The following NREP variants were observed in gnomAD, a reference collection of about 807,000 sequenced individuals.
NREP encodes the protein neuronal regeneration related protein, also known as neuronal regeneration-related protein.
A neutral mutation model predicts 8.6 loss-of-function variants in NREP; 5 were observed. The ratio of observed to expected loss-of-function variants is 0.58; its 90% confidence interval spans 0.30 to 1.22. The LOEUF (loss-of-function observed/expected upper bound fraction) is 1.22. Among genes scored for constraint, NREP ranks in the 50% most tolerant of loss-of-function variants. The probability of loss-of-function intolerance (pLI) is 0.07; values close to 1 mark genes in which losing one functional copy is unlikely to be tolerated. For synonymous variants in NREP, 27 were observed against 28.0 expected, an observed-to-expected ratio of 0.96 and a Z score of 0.11; for missense variants, 86 against 82.5, an observed-to-expected ratio of 1.04 and a Z score of -0.17.
chr5:111,876,500 C>G (rs1004806047), intron 2 of NREP, among the ~76,000 whole-genome samples: 1 of 152,132 alleles, frequency 6.6e-6, no homozygotes, highest in Non-Finnish European at 1.5e-5. Flanking sequence ...AGCCACTGGT[C>G]TCCAATGAAA....
At chr5:111,746,710 A>G (rs1283059814) in intron 2 of NREP, among the ~76,000 whole-genome samples, 4 of 152,170 alleles carry the variant, frequency 2.6e-5, no homozygotes, top group African/African-American at 9.7e-5. Context: ...TGGAAATATC[A>G]AAGTAGCAAA....
At chr5:111,972,905 T>C (rs987820428) in intron 2 of NREP, among the ~76,000 whole-genome samples, 5 of 152,210 alleles carry the variant, frequency 3.3e-5, no homozygotes, top group Non-Finnish European at 7.3e-5. Context: ...ATGCAGATGT[T>C]CCTTATTCCA....
chr5:111,925,957 C>T (rs1755372150), intron 2 of NREP, among the ~76,000 whole-genome samples: 1 of 152,070 alleles, frequency 6.6e-6, no homozygotes, highest in South Asian at 2.1e-4. Flanking sequence ...TGTTATTTGT[C>T]CCTGAATTTT....
At chr5:111,938,507 T>G (rs641552) in intron 2 of NREP, among the ~76,000 whole-genome samples, 148,741 of 152,126 alleles carry the variant, frequency 0.98, 72,963 homozygotes, top group Middle Eastern at 1. Context: ...TTGAGAAAAA[T>G]CAGTATGGTG....
At chr5:111,790,216 T>C (rs1415318673) in intron 2 of NREP, among the ~76,000 whole-genome samples, 2 of 151,490 alleles carry the variant, frequency 1.3e-5, no homozygotes, top group Non-Finnish European at 2.9e-5. Flanking sequence ...CTGACAAAAA[T>C]AAAAGAGAAG....
intron 2 of NREP, among the ~76,000 whole-genome samples, chr5:111,812,159 C>T (rs1581135194): frequency 6.6e-6 from 1 of 152,206 alleles, no homozygotes; most frequent in East Asian, 1.9e-4. Context: ...TGGTGGCTCA[C>T]ACCGGTAGTC....
At chr5:111,806,503 T>C (rs922664123) in intron 2 of NREP, among the ~76,000 whole-genome samples, 2 of 152,198 alleles carry the variant, frequency 1.3e-5, no homozygotes, top group African/African-American at 4.8e-5. Flanking sequence ...TGGAGAAGAA[T>C]ATGGAAGAGA....
intron 2 of NREP, among the ~76,000 whole-genome samples, chr5:111,785,067 C>A (rs1751577862): frequency 6.6e-6 from 1 of 152,114 alleles, no homozygotes; most frequent in Non-Finnish European, 1.5e-5. Flanking sequence ...GTATGAACTG[C>A]AGCCCAGAAT....
intron 2 of NREP, among the ~76,000 whole-genome samples, chr5:111,736,824 A>G (rs769697589): frequency 1.3e-5 from 2 of 152,200 alleles, no homozygotes; most frequent in Non-Finnish European, 2.9e-5. Context: ...TTGAAACTCA[A>G]AAAGGTCGAC....
chr5:111,755,020 TA>T (rs756079420), intron 2 of NREP, among the ~76,000 whole-genome samples: 7 of 152,164 alleles, frequency 4.6e-5, no homozygotes, highest in South Asian at 2.1e-4. Flanking sequence ...ATATTTCTAT[TA>T]TTTTTTTTAG....
chr5:111,758,614 G>C (rs1418723943), upstream of NREP, among the ~76,000 whole-genome samples: 1 of 152,244 alleles, frequency 6.6e-6, no homozygotes, highest in East Asian at 1.9e-4. Flanking sequence ...AAGGATCATA[G>C]TGTCTTCTAA....
intron 2 of NREP, among the ~76,000 whole-genome samples, chr5:111,774,811 G>A (rs960014515): frequency 4.6e-5 from 7 of 152,184 alleles, no homozygotes; most frequent in Non-Finnish European, 8.8e-5. Flanking sequence ...TACCTTGTAA[G>A]GCTCTAAACA....
At chr5:111,849,257 C>T (rs1753253021) in intron 2 of NREP, among the ~76,000 whole-genome samples, 1 of 151,886 alleles carries the variant, frequency 6.6e-6, no homozygotes, top group Admixed American at 6.6e-5. Context: ...GAAAAGCATA[C>T]CAAGAAGAGG....
At chr5:111,824,375 T>A (rs569179032) in intron 2 of NREP, among the ~76,000 whole-genome samples, 2 of 152,116 alleles carry the variant, frequency 1.3e-5, no homozygotes, top group South Asian at 2.1e-4. Flanking sequence ...TCTCAAAAAA[T>A]AAATAAATAA....
At chr5:111,957,733 A>T (rs971729673) in intron 2 of NREP, among the ~76,000 whole-genome samples, 1 of 151,860 alleles carries the variant, frequency 6.6e-6, no homozygotes, top group Non-Finnish European at 1.5e-5. Context: ...ATATATCTGT[A>T]ATTTTATATA....
intron 2 of NREP, among the ~76,000 whole-genome samples, chr5:111,925,248 G>A (rs997096254): frequency 5.0e-5 from 6 of 120,994 alleles, no homozygotes; most frequent in African/African-American, 1.4e-4. Flanking sequence ...GCATTTGGGA[G>A]ACCAGTTCTG....
At chr5:111,871,062 G>GTC (rs1753778948) in intron 2 of NREP, among the ~76,000 whole-genome samples, 1 of 142,924 alleles carries the variant, frequency 7.0e-6, no homozygotes, top group African/African-American at 2.5e-5. Flanking sequence ...GCGTGTGTGT[G>GTC]TGTGTGTGTG....
intron 2 of NREP, among the ~76,000 whole-genome samples, chr5:111,896,815 G>A (rs1754521395): frequency 6.6e-6 from 1 of 152,230 alleles, no homozygotes; most frequent in South Asian, 2.1e-4. Flanking sequence ...AAAATTGAAT[G>A]TAAATCTATT....
At chr5:111,865,591 G>A (rs926777660) in intron 2 of NREP, among the ~76,000 whole-genome samples, 1 of 152,148 alleles carries the variant, frequency 6.6e-6, no homozygotes, top group Admixed American at 6.6e-5. Context: ...GACTAATAGA[G>A]AGCTGCCTGA....
Sources: allele counts gnomAD v4.1 joint callset (sites outside exome capture counted in the v4.1 genomes callset), GRCh38; gene constraint gnomAD v4.1.1; transcripts MANE v1.5; gene names NCBI Gene and HGNC (gene_info 2026-07-23, HGNC 2026-07-21).